The following RAB5C variants were observed in gnomAD, a reference collection of about 807,000 sequenced individuals.
RAB5C encodes the protein RAB5C, member RAS oncogene family, also known as ras-related protein Rab-5C.
RAB5C carries 4 observed loss-of-function variants against 25.2 expected under a neutral mutation model. The ratio of observed to expected loss-of-function variants is 0.16; its 90% confidence interval spans 0.08 to 0.36. RAB5C has a LOEUF of 0.36. RAB5C is among the 10% of genes least tolerant of loss of function. The pLI is 1.00. For missense variants in RAB5C, 199 were observed against 283.8 expected (o/e 0.70, Z 2.15); for synonymous variants, 100 against 106.4 (o/e 0.94, Z 0.37).
At chr17:42,150,004 C>T (rs900249542) in intron 1 of RAB5C, among the ~76,000 whole-genome samples, 10 of 151,708 alleles carry the variant, frequency 6.6e-5, no homozygotes, top group African/African-American at 2.4e-4. Flanking sequence ...CCTGCCTAAG[C>T]CTCCCAAGTA....
intron 1 of RAB5C, among the ~76,000 whole-genome samples, chr17:42,141,884 G>A (rs933739922): frequency 6.6e-6 from 1 of 152,100 alleles, no homozygotes; most frequent in African/African-American, 2.4e-5. Flanking sequence ...TCCCTGTGAA[G>A]GAGCCGGACT....
At chr17:42,132,543 A>ATT (rs111994274) in intron 1 of RAB5C, among the ~76,000 whole-genome samples, 1 of 149,274 alleles carries the variant, frequency 6.7e-6, no homozygotes, top group African/African-American at 2.5e-5. Context: ...GAAGGAAATA[A>ATT]TTTTTTTTTT....
chr17:42,126,664 G>C (rs766431026), intron 5 of RAB5C, 91 bp downstream of exon 5: 1 of 557,962 alleles, frequency 1.8e-6, no homozygotes, highest in Non-Finnish European at 3.2e-6. Flanking sequence ...AAAAAGAGTG[G>C]TGAAGGGACC....
intron 1 of RAB5C, among the ~76,000 whole-genome samples, chr17:42,131,037 A>G (rs954377756): frequency 7.9e-5 from 12 of 152,230 alleles, no homozygotes; most frequent in African/African-American, 2.4e-4. Context: ...CCAGTCTGGT[A>G]GCCAGGACCA....
chr17:42,131,567 A>G, intron 1 of RAB5C: 1 of 1,509,874 alleles, frequency 6.6e-7, no homozygotes, highest in Non-Finnish European at 8.9e-7. Context: ...GCTCTGCCAC[A>G]GTCAGCACAG....
At chr17:42,147,146 G>GAA (rs1321845861) in intron 1 of RAB5C, among the ~76,000 whole-genome samples, 15 of 64,848 alleles carry the variant, frequency 2.3e-4, no homozygotes, top group African/African-American at 2.2e-3. Flanking sequence ...AAGAAAGAAA[G>GAA]AGAGAGAGAG....
At chr17:42,141,099 G>A (rs887818022) in intron 1 of RAB5C, among the ~76,000 whole-genome samples, 11 of 152,208 alleles carry the variant, frequency 7.2e-5, no homozygotes, top group Non-Finnish European at 1.5e-4. Flanking sequence ...AAAGTGCTGC[G>A]ATTACAGGCA....
rs782082157 is a variant in RAB5C, at chr17:42,125,364, G to A, written c.*419C>T. On this transcript the variant is annotated 3_prime_UTR_variant, in exon 6 of 6. Coordinates refer to ENST00000346213, the MANE Select transcript of RAB5C (RefSeq NM_004583.4). ...CACCGCCCAAACCAAAGACCACTCC[G>A]AACAAAGTGAGGATGTGGATGCTCT... 11 of 156,412 alleles carry A rather than the reference G, an allele frequency of 7.0e-5. No homozygotes were observed. Among genetic ancestry groups the A allele is most frequent in the Non-Finnish European group, 1.1e-4 (8 of 70,534 alleles). 9.7% of individuals were successfully genotyped at this position (156,412 alleles called of 1,614,324 possible).
chr17:42,141,557 A>G (rs997919467), intron 1 of RAB5C, among the ~76,000 whole-genome samples: 1 of 152,132 alleles, frequency 6.6e-6, no homozygotes, highest in Non-Finnish European at 1.5e-5. Context: ...GGGTCCCCTA[A>G]CAGAGCCACA....
intron 1 of RAB5C, among the ~76,000 whole-genome samples, chr17:42,138,674 A>G (rs905227088): frequency 6.6e-6 from 1 of 152,148 alleles, no homozygotes; most frequent in African/African-American, 2.4e-5. Context: ...CCACACCACA[A>G]TCAGGCCCTG....
chr17:42,153,858 G>C lies in RAB5C; in HGVS notation c.-89+1035C>G, dbSNP rs1052260629. Among the ~76,000 whole-genome samples, 4 of 152,216 alleles carry C rather than the reference G, an allele frequency of 2.6e-5. No individual in the cohort carries two copies. In the East Asian group the frequency reaches 7.7e-4, roughly 29 times the overall value. On this transcript the variant is annotated intron_variant, in intron 1 of 5. Coordinates refer to ENST00000346213, the MANE Select transcript of RAB5C (RefSeq NM_004583.4). Reference sequence around the variant, plus strand: ...TCCTCAGGCTACAATTAAAAATCCAGAACTGCCATTGTGATCTTGACTTAG... The same window carrying C: ...TCCTCAGGCTACAATTAAAAATCCACAACTGCCATTGTGATCTTGACTTAG...
chr17:42,146,931 G>A (rs543972130), intron 1 of RAB5C, among the ~76,000 whole-genome samples: 250 of 151,336 alleles, frequency 1.7e-3, no homozygotes, highest in Middle Eastern at 3.4e-3. Flanking sequence ...GCATGAACCC[G>A]GGAGCTTGCA....
At chr17:42,126,895 G>A (rs766066120) in intron 4 of RAB5C, 47 bp from the exon 5 acceptor site, 3 of 1,296,702 alleles carry the variant, frequency 2.3e-6, no homozygotes, top group African/African-American at 1.5e-5. Flanking sequence ...ATGTTGGCAG[G>A]GGCCAGGGCC....
intron 1 of RAB5C, among the ~76,000 whole-genome samples, chr17:42,149,621 G>C (rs1370647468): frequency 6.6e-6 from 1 of 152,066 alleles, no homozygotes; most frequent in Admixed American, 6.6e-5. Flanking sequence ...TCCTGTGTTA[G>C]CTTCAATTCA....
rs1206531808 is a variant in RAB5C, at chr17:42,151,303, G to A, written c.-89+3590C>T. Among the ~76,000 whole-genome samples, 6 of 152,126 alleles carry A rather than the reference G, an allele frequency of 3.9e-5. No homozygotes were observed. In the South Asian group the frequency reaches 1.0e-3, roughly 26 times the overall value. On this transcript the variant is annotated intron_variant, in intron 1 of 5. Transcript: ENST00000346213. ...TACAAAACAATTAGCCGGACGTGGT[G>A]GTGGGCACCTGTAGTCCCAACTACT...
chr17:42,143,001 C>G (rs570435737), intron 1 of RAB5C, among the ~76,000 whole-genome samples: 8 of 152,306 alleles, frequency 5.3e-5, no homozygotes, highest in African/African-American at 1.9e-4. Flanking sequence ...TCCCACACCT[C>G]CATAGGTAAA....
At chr17:42,126,370 C>T (rs1423268317) in intron 5 of RAB5C, among the ~76,000 whole-genome samples, 1 of 151,946 alleles carries the variant, frequency 6.6e-6, no homozygotes, top group African/African-American at 2.4e-5. Flanking sequence ...CAGTGGCTTA[C>T]GCTCGTAATC....
chr17:42,140,513 ATATTTTTTTTTTTTTT>A (rs2054586311), intron 1 of RAB5C, among the ~76,000 whole-genome samples: 1 of 34,162 alleles, frequency 2.9e-5, no homozygotes, highest in African/African-American at 3.1e-4. Context: ...ATATATATAT[ATATTTTTTTTTTTTTT>A]TTTTTTTTTT....
At chr17:42,147,757 C>T (rs909244142) in intron 1 of RAB5C, among the ~76,000 whole-genome samples, 1 of 152,106 alleles carries the variant, frequency 6.6e-6, no homozygotes, top group Non-Finnish European at 1.5e-5. Context: ...CATAGGTTCA[C>T]GACATCCAAA....
Sources: gnomAD v4.1 joint callset for allele counts (sites outside exome capture counted in the v4.1 genomes callset) on GRCh38, gnomAD v4.1.1 for gene constraint, MANE v1.5 for transcripts, NCBI Gene and HGNC (gene_info 2026-07-23, HGNC 2026-07-21) for gene names.